Variants in EDIL3 observed in about 807,000 individuals in gnomAD.
EDIL3 encodes EGF-like repeat and discoidin I-like domain-containing protein 3.
EDIL3 carries 37 observed loss-of-function variants against 67.4 expected under a neutral mutation model. The ratio of observed to expected loss-of-function variants is 0.55; its 90% CI spans 0.42 to 0.72. EDIL3 has a LOEUF of 0.72. Among genes scored for constraint, EDIL3 ranks in the 30% least tolerant of loss-of-function variants. The pLI, the probability that EDIL3 is intolerant of heterozygous loss-of-function variation, is 0.00. For synonymous variants in EDIL3, 195 were observed against 196.3 expected, an observed-to-expected ratio of 0.99 and a Z score of 0.05; for missense variants, 527 against 586.3, an observed-to-expected ratio of 0.90 and a Z score of 1.04.
chr5:84,368,584 T>C (rs1312578641), intron 1 of EDIL3, among the ~76,000 whole-genome samples: 1 of 152,092 alleles, frequency 6.6e-6, no homozygotes, highest in Non-Finnish European at 1.5e-5. Context: ...ATTTCTTTGA[T>C]ATGACACGAA....
chr5:84,384,140 T>C, intron 1 of EDIL3, among the ~76,000 whole-genome samples, 168 bp downstream of exon 1: 1 of 151,976 alleles, frequency 6.6e-6, no homozygotes, highest in East Asian at 1.9e-4. Flanking sequence ...TGCTCAGACT[T>C]TACAAGCACT....
At chr5:84,277,426 G>A (rs1334474044) in intron 1 of EDIL3, among the ~76,000 whole-genome samples, 3 of 152,074 alleles carry the variant, frequency 2.0e-5, no homozygotes, top group African/African-American at 7.2e-5. Context: ...AAGCCACCCA[G>A]TCTATATTAT....
At chr5:84,163,719 A>C (rs114055634) in intron 4 of EDIL3, among the ~76,000 whole-genome samples, 2,344 of 152,206 alleles carry the variant, frequency 0.015, 70 homozygotes, top group African/African-American at 0.054. Context: ...ATAGACAGAA[A>C]AATGCATAAG....
intron 1 of EDIL3, among the ~76,000 whole-genome samples, chr5:84,275,173 T>A (rs948536773): frequency 6.6e-6 from 1 of 152,200 alleles, no homozygotes; most frequent in African/African-American, 2.4e-5. Flanking sequence ...CCAAACCACC[T>A]ACTCCATAGT....
At chr5:83,972,400 C>T (rs1191207566) in intron 9 of EDIL3, among the ~76,000 whole-genome samples, 2 of 152,064 alleles carry the variant, frequency 1.3e-5, no homozygotes, top group Non-Finnish European at 2.9e-5. Context: ...CAGGAAGACA[C>T]TGCCCAGAGA....
chr5:84,056,246 T>A (rs1015903401), intron 9 of EDIL3, among the ~76,000 whole-genome samples: 4 of 151,824 alleles, frequency 2.6e-5, no homozygotes, highest in Non-Finnish European at 5.9e-5. Flanking sequence ...CCGCATGTTC[T>A]CACTCATAGG....
chr5:84,012,598 C>G (rs1745535989), intron 9 of EDIL3, among the ~76,000 whole-genome samples: 1 of 152,114 alleles, frequency 6.6e-6, no homozygotes, highest in Non-Finnish European at 1.5e-5. Context: ...TAATATTACT[C>G]TATCTAAGCT....
chr5:84,281,652 T>C (rs1745705464), intron 1 of EDIL3, among the ~76,000 whole-genome samples: 1 of 152,210 alleles, frequency 6.6e-6, no homozygotes, highest in African/African-American at 2.4e-5. Context: ...CTCCAGCTTG[T>C]TCTCTTCTGA....
At chr5:84,377,244 C>G (rs770499145) in intron 1 of EDIL3, among the ~76,000 whole-genome samples, 49 of 146,234 alleles carry the variant, frequency 3.4e-4, no homozygotes, top group Non-Finnish European at 5.9e-4. Flanking sequence ...ACCCGGGAGG[C>G]GGAGCTTGCA....
intron 5 of EDIL3, among the ~76,000 whole-genome samples, chr5:84,126,485 T>C (rs1747871172): frequency 6.6e-6 from 1 of 152,108 alleles, no homozygotes; most frequent in Non-Finnish European, 1.5e-5. Flanking sequence ...CTTATCAATG[T>C]ATATGCTGAT....
chr5:84,168,437 A>T (rs754588511), intron 4 of EDIL3, among the ~76,000 whole-genome samples: 10 of 152,154 alleles, frequency 6.6e-5, no homozygotes, highest in Non-Finnish European at 1.3e-4. Context: ...GTACCTGTAC[A>T]TACCTATATA....
intron 1 of EDIL3, among the ~76,000 whole-genome samples, chr5:84,270,283 T>C (rs1467996882): frequency 6.6e-6 from 1 of 152,164 alleles, no homozygotes; most frequent in Non-Finnish European, 1.5e-5. Context: ...TTAGTGAGTA[T>C]CATGATGGGC....
chr5:84,165,148 C>T (rs959406683), intron 4 of EDIL3, among the ~76,000 whole-genome samples: 6 of 152,142 alleles, frequency 3.9e-5, no homozygotes, highest in Non-Finnish European at 8.8e-5. Context: ...GTGTCCCTAA[C>T]TGTGCTTCTT....
chr5:83,978,661 A>T (rs1744913716), intron 9 of EDIL3, among the ~76,000 whole-genome samples: 5 of 152,056 alleles, frequency 3.3e-5, no homozygotes, highest in Admixed American at 3.3e-4. Context: ...ACAAGCAGAA[A>T]ATCATAACAA....
chr5:83,967,688 C>T (rs970212180), intron 9 of EDIL3, among the ~76,000 whole-genome samples: 3 of 152,128 alleles, frequency 2.0e-5, no homozygotes, highest in Non-Finnish European at 4.4e-5. Flanking sequence ...TAAAGATAAA[C>T]TTCATTTCAG....
At chr5:84,278,392 A>C (rs2112104273) in intron 1 of EDIL3, among the ~76,000 whole-genome samples, 1 of 152,262 alleles carries the variant, frequency 6.6e-6, no homozygotes, top group Middle Eastern at 3.4e-3. Context: ...ATGAAGTAAG[A>C]GACTCAAAAA....
intron 7 of EDIL3, 77 bp from the exon 8 acceptor site, chr5:84,064,921 T>C: frequency 7.0e-7 from 1 of 1,432,754 alleles, no homozygotes; most frequent in Non-Finnish European, 9.2e-7. Context: ...TATCTATACC[T>C]TATCGAAAAT....
intron 1 of EDIL3, among the ~76,000 whole-genome samples, chr5:84,329,120 T>A (rs1194551254): frequency 6.6e-6 from 1 of 152,100 alleles, no homozygotes; most frequent in Non-Finnish European, 1.5e-5. Flanking sequence ...GAACAAAAAA[T>A]TGTTATTTTT....
chr5:84,053,755 C>G (rs1236148832), intron 9 of EDIL3, among the ~76,000 whole-genome samples: 6 of 152,072 alleles, frequency 3.9e-5, no homozygotes, highest in Non-Finnish European at 8.8e-5. Context: ...AAGACTAAAC[C>G]AGGAAGAAGT....
Sources: gnomAD v4.1 joint callset for allele counts (sites outside exome capture counted in the v4.1 genomes callset) on GRCh38, gnomAD v4.1.1 for gene constraint, MANE v1.5 for transcripts, NCBI Gene and HGNC (gene_info 2026-07-23, HGNC 2026-07-21) for gene names.